The following MFAP1 variants were observed in gnomAD, a reference collection of about 807,000 sequenced individuals.
MFAP1 encodes microfibril associated protein 1.
MFAP1 carries 18 observed loss-of-function variants against 62.2 expected under a neutral mutation model. The observed-to-expected ratio is 0.29, with a 90% CI of 0.20 to 0.43. MFAP1 has a LOEUF of 0.43. Ranked by LOEUF, MFAP1 falls within the 20% of genes least tolerant of loss-of-function variation. The pLI is 1.00. For missense variants in MFAP1, 355 were observed against 559.7 expected, an observed-to-expected ratio of 0.63 and a Z score of 3.69; for synonymous variants, 175 against 180.4, an observed-to-expected ratio of 0.97 and a Z score of 0.24.
chr15:43,822,205 A>G (rs886793117), intron 1 of MFAP1, among the ~76,000 whole-genome samples: 6 of 151,602 alleles, frequency 4.0e-5, no homozygotes, highest in Non-Finnish European at 8.8e-5. Flanking sequence ...TTTCTCAAAA[A>G]AAAAAAAAAA....
In MFAP1 at chr15:43,804,676, C is replaced by G. The variant is rs1010971426; in HGVS notation, c.*418G>C. 1 of 156,348 alleles carries G rather than the reference C, an allele frequency of 6.4e-6. No individual in the cohort carries two copies. Among genetic ancestry groups the G allele is most frequent in the African/African-American group, 2.4e-5 (1 of 41,578 alleles). The allele number at this position is 156,348 out of a possible 1,614,324, so 9.7% of individuals were successfully genotyped here. On this transcript the variant is annotated 3_prime_UTR_variant, in exon 9 of 9. Coordinates refer to ENST00000267812, the MANE Select transcript of MFAP1 (RefSeq NM_005926.3). ...ACGGACTCCAAGCAAAAATGGAAAA[C>G]ATGTTTCCATGAGCTTAGATTTCCG... is the stretch of plus-strand genomic sequence containing the variant.
In MFAP1 at chr15:43,813,145, A is replaced by T; in HGVS notation, c.729T>A (p.Ile243=). 1 of 1,614,034 alleles carries T rather than the reference A, an allele frequency of 6.2e-7. No homozygotes were observed. Among genetic ancestry groups the T allele is most frequent in the Non-Finnish European group, 8.5e-7 (1 of 1,180,006 alleles). ...GCTCTTTTTTGGTTTCCTCTTCGAC[A>T]ATCTGGATAGGGAGAACAATTCAGC... ...AEERRKYTLK[I]VEEETKKELE... The change falls in exon 6 of 9, where the codon ATT becomes ATA. Residue 243 remains isoleucine (I), a splice_region_variant and synonymous_variant. Coordinates refer to ENST00000267812, the MANE Select transcript of MFAP1 (RefSeq NM_005926.3).
intron 6 of MFAP1, chr15:43,810,210 T>G (rs2087390439): frequency 3.5e-6 from 1 of 287,546 alleles, no homozygotes; most frequent in Non-Finnish European, 6.4e-6. Flanking sequence ...CTAAAAGGTC[T>G]TCTTAGCTTT....
At chr15:43,814,448 G>A in intron 4 of MFAP1, 53 bp downstream of exon 4, 1 of 1,532,460 alleles carries the variant, frequency 6.5e-7, no homozygotes, top group South Asian at 1.3e-5. Context: ...TTTGTCTCCA[G>A]GCCTGGAAAG....
At chr15:43,816,590 T>A (rs2087435533) in intron 2 of MFAP1, among the ~76,000 whole-genome samples, 1 of 152,194 alleles carries the variant, frequency 6.6e-6, no homozygotes, top group Non-Finnish European at 1.5e-5. Context: ...AGGACATAAA[T>A]ACTTATTAAG....
At chr15:43,810,586 C>T (rs891245915) in intron 6 of MFAP1, among the ~76,000 whole-genome samples, 6 of 152,036 alleles carry the variant, frequency 3.9e-5, no homozygotes, top group African/African-American at 1.4e-4. Context: ...CCAGGATGGT[C>T]TCAATCTCCT....
At chr15:43,821,287 G>A (rs1164976389) in intron 1 of MFAP1, among the ~76,000 whole-genome samples, 1 of 152,134 alleles carries the variant, frequency 6.6e-6, no homozygotes, top group Non-Finnish European at 1.5e-5. Context: ...GTTCAAGGAT[G>A]AGAAGATGGC....
At chr15:43,817,112 G>T in intron 2 of MFAP1, 117 bp downstream of exon 2, 1 of 1,025,288 alleles carries the variant, frequency 9.8e-7, no homozygotes, top group Non-Finnish European at 1.4e-6. Context: ...GTTATTGTAT[G>T]GATTACAAGA....
chr15:43,813,506 G>C (rs1026960377), intron 4 of MFAP1, 149 bp from the exon 5 acceptor site: 19 of 512,410 alleles, frequency 3.7e-5, no homozygotes, highest in African/African-American at 6.8e-5. Flanking sequence ...GTCATCCCAG[G>C]TCTTTTTTTT....
Position 43,804,844 on chromosome 15 carries a change from A to G in MFAP1, c.*250T>C, listed in dbSNP as rs1251625001. 1 of 370,410 alleles carries G rather than the reference A, an allele frequency of 2.7e-6. No homozygotes were observed. Among genetic ancestry groups the G allele is most frequent in the African/African-American group, 2.1e-5 (1 of 48,274 alleles). The allele number at this position is 370,410 out of a possible 1,614,324, so 22.9% of individuals were successfully genotyped here. A position where few individuals can be genotyped will look rare whatever the true frequency, so the allele number is the denominator to read the frequency against. On this transcript the variant is annotated 3_prime_UTR_variant, in exon 9 of 9. Coordinates refer to ENST00000267812, the MANE Select transcript of MFAP1 (RefSeq NM_005926.3). ...GAAACCATAGCAGTGATAAAACCTA[A>G]GATTTCTCAGAAATAGTTTTAAGTG... is the stretch of plus-strand genomic sequence containing the variant.
chr15:43,810,659 G>A (rs763350737), intron 6 of MFAP1, among the ~76,000 whole-genome samples: 5 of 152,104 alleles, frequency 3.3e-5, no homozygotes, highest in Non-Finnish European at 5.9e-5. Context: ...GAGCCACTGC[G>A]CCCAGCCAGA....
intron 1 of MFAP1, among the ~76,000 whole-genome samples, chr15:43,820,521 TCAGA>T (rs1433252087): frequency 6.6e-6 from 1 of 152,132 alleles, no homozygotes; most frequent in East Asian, 1.9e-4. Context: ...ATAAAAGAGT[TCAGA>T]AAAAATGCTA....
intron 7 of MFAP1, among the ~76,000 whole-genome samples, chr15:43,806,385 G>C (rs896259792): frequency 6.6e-6 from 1 of 152,028 alleles, no homozygotes; most frequent in Non-Finnish European, 1.5e-5. Context: ...CGTACTCTTC[G>C]ATTACCTAGA....
rs2087488141 is a variant in MFAP1, at chr15:43,824,644, A to G, written c.-75T>C. 6.7e-7 allele frequency: 1 copy of G among 1,501,188 alleles called. No individual in the cohort carries two copies. Among genetic ancestry groups the G allele is most frequent in the African/African-American group, 1.4e-5 (1 of 72,666 alleles). 93.0% of individuals were successfully genotyped at this position (1,501,188 alleles called of 1,614,324 possible). A position where few individuals can be genotyped will look rare whatever the true frequency, so the allele number is the denominator to read the frequency against. ...GAACACCAGCAACGTCAACGAAGAG[A>G]AGAAATTCCTTCCACCTGAGTCCGC... On this transcript the variant is annotated 5_prime_UTR_variant, in exon 1 of 9. Transcript: ENST00000267812.
At chr15:43,822,904 T>C (rs1345069710) in intron 1 of MFAP1, among the ~76,000 whole-genome samples, 1 of 151,962 alleles carries the variant, frequency 6.6e-6, no homozygotes. Context: ...AATGGTGCGA[T>C]CTCGGCTCAC....
intron 1 of MFAP1, among the ~76,000 whole-genome samples, chr15:43,822,456 C>G (rs1426281614): frequency 6.6e-6 from 1 of 152,078 alleles, no homozygotes; most frequent in Non-Finnish European, 1.5e-5. Context: ...TCCATGAAAC[C>G]TCCACCTGCC....
chr15:43,824,663 A>G lies in MFAP1; in HGVS notation c.-94T>C. ...GAAGAGAAGAAATTCCTTCCACCTG[A>G]GTCCGCGAACACAGCTGCGCGACTG... On this transcript the variant is annotated 5_prime_UTR_variant, in exon 1 of 9. Coordinates refer to ENST00000267812, the MANE Select transcript of MFAP1 (RefSeq NM_005926.3). 1 of 1,320,526 alleles carries G rather than the reference A, an allele frequency of 7.6e-7. No individual in the cohort carries two copies. Among genetic ancestry groups the G allele is most frequent in the Non-Finnish European group, 1.1e-6 (1 of 921,090 alleles). The allele number at this position is 1,320,526 out of a possible 1,614,324, so 81.8% of individuals were successfully genotyped here.
chr15:43,809,370 C>A (rs2087384137), intron 7 of MFAP1, among the ~76,000 whole-genome samples: 1 of 149,936 alleles, frequency 6.7e-6, no homozygotes, highest in Non-Finnish European at 1.5e-5. Context: ...ATGGTTGTTG[C>A]ATGCCTGTAG....
intron 3 of MFAP1, 50 bp from the exon 4 acceptor site, chr15:43,814,738 T>A: frequency 6.3e-7 from 1 of 1,582,976 alleles, no homozygotes; most frequent in Non-Finnish European, 8.6e-7. Flanking sequence ...TATGGCTTTT[T>A]GTTCGTCTCA....
Sources: allele counts gnomAD v4.1 joint callset (sites outside exome capture counted in the v4.1 genomes callset), GRCh38; gene constraint gnomAD v4.1.1; transcripts MANE v1.5; gene names NCBI Gene and HGNC (gene_info 2026-07-23, HGNC 2026-07-21).